PTPRM: variants seen among roughly 807,000 people sequenced by gnomAD.
The protein encoded by PTPRM is receptor-type tyrosine-protein phosphatase mu.
In PTPRM, 47 loss-of-function variants were observed where a neutral mutation model predicts 186.7. That is an observed-to-expected ratio of 0.25 (90% CI 0.20 to 0.32). The LOEUF (loss-of-function observed/expected upper bound fraction) is 0.32. PTPRM is among the 10% of genes least tolerant of loss of function. The pLI is 1.00. For synonymous variants in PTPRM, 668 were observed against 674.9 expected, an observed-to-expected ratio of 0.99 and a Z score of 0.16; for missense variants, 1,494 against 1,865.0, an observed-to-expected ratio of 0.80 and a Z score of 3.66.
chr18:8,358,162 CGTGA>C (rs1179339760), intron 23 of PTPRM, among the ~76,000 whole-genome samples: 5 of 150,970 alleles, frequency 3.3e-5, no homozygotes, highest in Non-Finnish European at 7.4e-5. Flanking sequence ...CATTTGCCTG[CGTGA>C]GTAACCAGAC....
At chr18:7,966,085 T>A (rs910640537) in intron 7 of PTPRM, among the ~76,000 whole-genome samples, 2 of 152,350 alleles carry the variant, frequency 1.3e-5, no homozygotes, top group African/African-American at 4.8e-5. Context: ...GTAACACTTT[T>A]ATAAATTAAT....
intron 19 of PTPRM, among the ~76,000 whole-genome samples, chr18:8,287,236 C>T (rs1412060750): frequency 1.3e-5 from 2 of 152,126 alleles, no homozygotes; most frequent in Non-Finnish European, 2.9e-5. Context: ...CAAAAACTGG[C>T]AGTCAAGTCA....
chr18:8,171,578 G>T (rs1227608849), intron 14 of PTPRM, among the ~76,000 whole-genome samples: 1 of 152,162 alleles, frequency 6.6e-6, no homozygotes, highest in African/African-American at 2.4e-5. Flanking sequence ...AAATGTGTTT[G>T]TTTCTATGTC....
chr18:7,682,639 A>G (rs1321545471), intron 1 of PTPRM, among the ~76,000 whole-genome samples: 3 of 152,242 alleles, frequency 2.0e-5, no homozygotes, highest in Non-Finnish European at 4.4e-5. Flanking sequence ...TGTTGTAACC[A>G]TAGGGTTGAT....
chr18:7,638,934 CTT>C (rs1387640992), intron 1 of PTPRM, among the ~76,000 whole-genome samples: 1 of 152,190 alleles, frequency 6.6e-6, no homozygotes, highest in Admixed American at 6.5e-5. Context: ...ATTCTAAACT[CTT>C]TTCCTCACAG....
chr18:7,681,585 TA>T (rs546037419), intron 1 of PTPRM, among the ~76,000 whole-genome samples: 23 of 143,326 alleles, frequency 1.6e-4, no homozygotes, highest in East Asian at 4.0e-4. Context: ...TTAGATTCCT[TA>T]AAAAAAAAAA....
In PTPRM at chr18:7,694,739, A is replaced by G. The variant is rs1161717578; in HGVS notation, c.74-79410A>G. Among the ~76,000 whole-genome samples the G allele has an allele frequency of 3.9e-5, 6 of 152,160 alleles. No homozygotes were observed. In the South Asian group the frequency reaches 1.0e-3, roughly 26 times the overall value. On this transcript the variant is annotated intron_variant, in intron 1 of 32. Coordinates refer to ENST00000580170, the MANE Select transcript of PTPRM (RefSeq NM_001105244.2). The stretch of plus-strand genomic sequence containing the variant: ...GCCGTGCCGCTGGAAACCCTTTTCC[A>G]CAGCCGTATAAAATATCTATAGAAG...
intron 4 of PTPRM, among the ~76,000 whole-genome samples, chr18:7,907,889 C>CT (rs200193157): frequency 0.1 from 14,819 of 143,144 alleles, 1,143 homozygotes; most frequent in African/African-American, 0.21. Context: ...TCTCTGTATT[C>CT]TTTTTTTTTT....
chr18:7,759,074 A>G (rs2041645056), intron 1 of PTPRM, among the ~76,000 whole-genome samples: 1 of 152,188 alleles, frequency 6.6e-6, no homozygotes, highest in Non-Finnish European at 1.5e-5. Context: ...TACTAAGCAC[A>G]CATTTGATCA....
intron 1 of PTPRM, among the ~76,000 whole-genome samples, chr18:7,697,348 T>C (rs1161630697): frequency 6.6e-6 from 1 of 152,150 alleles, no homozygotes; most frequent in African/African-American, 2.4e-5. Context: ...TTCAGGAAAG[T>C]TCTCTTGAAT....
At chr18:7,718,879 T>G (rs774445804) in intron 1 of PTPRM, among the ~76,000 whole-genome samples, 1 of 152,032 alleles carries the variant, frequency 6.6e-6, no homozygotes, top group Non-Finnish European at 1.5e-5. Flanking sequence ...GGCCATAATT[T>G]AAAAAATTAA....
intron 2 of PTPRM, among the ~76,000 whole-genome samples, chr18:7,789,556 T>C (rs1199420375): frequency 6.6e-6 from 1 of 152,140 alleles, no homozygotes; most frequent in Non-Finnish European, 1.5e-5. Context: ...TTATGGTGGT[T>C]TTTGAAGCCT....
intron 8 of PTPRM, among the ~76,000 whole-genome samples, chr18:8,075,138 G>C (rs2089726951): frequency 6.6e-6 from 1 of 152,042 alleles, no homozygotes; most frequent in Non-Finnish European, 1.5e-5. Flanking sequence ...CAGTAGCATT[G>C]GTTGAAAAGA....
chr18:8,277,162 C>T (rs974945831), intron 19 of PTPRM, among the ~76,000 whole-genome samples: 4 of 152,112 alleles, frequency 2.6e-5, no homozygotes, highest in African/African-American at 9.7e-5. Flanking sequence ...GTCTCGAACT[C>T]CTGGCCTCAA....
intron 1 of PTPRM, among the ~76,000 whole-genome samples, chr18:7,769,171 T>C (rs1456516884): frequency 6.6e-6 from 1 of 152,118 alleles, no homozygotes; most frequent in Non-Finnish European, 1.5e-5. Context: ...TAGTTCTCTC[T>C]GAATTTAGGG....
intron 20 of PTPRM, among the ~76,000 whole-genome samples, chr18:8,306,308 C>T (rs979042211): frequency 2.0e-5 from 3 of 152,150 alleles, no homozygotes; most frequent in Non-Finnish European, 2.9e-5. Flanking sequence ...CCCCTTGTCA[C>T]CCCTTTTTAC....
intron 2 of PTPRM, among the ~76,000 whole-genome samples, chr18:7,825,845 T>A (rs1349878320): frequency 6.6e-6 from 1 of 152,250 alleles, no homozygotes; most frequent in Non-Finnish European, 1.5e-5. Flanking sequence ...TCCTGACGTC[T>A]TGAAGCTTAT....
chr18:7,763,558 C>G (rs1766500951), intron 1 of PTPRM, among the ~76,000 whole-genome samples: 1 of 152,168 alleles, frequency 6.6e-6, no homozygotes, highest in African/African-American at 2.4e-5. Flanking sequence ...CAATTAAATA[C>G]ACTCATCTGT....
intron 3 of PTPRM, among the ~76,000 whole-genome samples, chr18:7,901,586 G>A (rs8082717): frequency 0.25 from 37,438 of 151,970 alleles, 4,898 homozygotes; most frequent in East Asian, 0.44. Flanking sequence ...GGATGGGCTC[G>A]ATCCCTTGAC....
Sources: gnomAD v4.1 joint callset for allele counts (sites outside exome capture counted in the v4.1 genomes callset) on GRCh38, gnomAD v4.1.1 for gene constraint, MANE v1.5 for transcripts, NCBI Gene and HGNC (gene_info 2026-07-23, HGNC 2026-07-21) for gene names.